Variants in HS3ST4 observed in about 807,000 individuals in gnomAD.
The protein encoded by HS3ST4 is heparan sulfate-glucosamine 3-sulfotransferase 4, also known as heparan sulfate glucosamine 3-O-sulfotransferase 4.
Under a neutral mutation model 29.2 loss-of-function variants are expected in HS3ST4, and 17 were observed. The ratio of observed to expected loss-of-function variants is 0.58; its 90% CI spans 0.40 to 0.87. The LOEUF is 0.87. Ranked by LOEUF, HS3ST4 falls within the 40% of genes least tolerant of loss-of-function variation. The pLI is 0.00. For synonymous variants in HS3ST4, 314 were observed against 285.7 expected (o/e 1.10, Z -1.00); for missense variants, 627 against 634.5 (o/e 0.99, Z 0.13).
chr16:25,801,057 G>T (rs1023496790), intron 1 of HS3ST4, among the ~76,000 whole-genome samples: 2 of 152,130 alleles, frequency 1.3e-5, no homozygotes, highest in Non-Finnish European at 2.9e-5. Context: ...CTATAATGAA[G>T]TTTATGATTC....
chr16:25,842,433 T>C (rs540652198), intron 1 of HS3ST4, among the ~76,000 whole-genome samples: 8 of 152,228 alleles, frequency 5.3e-5, no homozygotes, highest in Non-Finnish European at 1.0e-4. Context: ...TATGCCCCAC[T>C]GTACTGTGAT....
At chr16:25,897,860 G>A (rs548192844) in intron 1 of HS3ST4, among the ~76,000 whole-genome samples, 1 of 151,942 alleles carries the variant, frequency 6.6e-6, no homozygotes, top group Non-Finnish European at 1.5e-5. Flanking sequence ...CTTTCCCCCC[G>A]CCCCCTTTCT....
chr16:25,945,104 A>T (rs1344288347), intron 1 of HS3ST4, among the ~76,000 whole-genome samples: 1 of 152,198 alleles, frequency 6.6e-6, no homozygotes, highest in East Asian at 1.9e-4. Context: ...CCCAAAGATG[A>T]CTGCTGTTAA....
chr16:25,850,126 AG>A (rs1967503340), intron 1 of HS3ST4, among the ~76,000 whole-genome samples: 1 of 150,986 alleles, frequency 6.6e-6, no homozygotes, highest in South Asian at 2.1e-4. Context: ...CAGTCTCTCG[AG>A]TAGCTGGGAT....
At chr16:25,821,591 A>AT (rs1176533798) in intron 1 of HS3ST4, among the ~76,000 whole-genome samples, 1 of 152,056 alleles carries the variant, frequency 6.6e-6, no homozygotes, top group Non-Finnish European at 1.5e-5. Context: ...AAACCTATCA[A>AT]TTTTTTCCAT....
intron 1 of HS3ST4, among the ~76,000 whole-genome samples, chr16:25,766,782 T>C (rs1471951892): frequency 1.3e-5 from 2 of 152,216 alleles, no homozygotes; most frequent in Non-Finnish European, 2.9e-5. Flanking sequence ...GTAATGACAG[T>C]GTAATGAGCA....
intron 1 of HS3ST4, among the ~76,000 whole-genome samples, chr16:25,726,840 G>A (rs1236158488): frequency 3.9e-5 from 6 of 152,144 alleles, no homozygotes; most frequent in African/African-American, 1.4e-4. Flanking sequence ...GTGACGTTTA[G>A]CATTGCATTT....
intron 1 of HS3ST4, among the ~76,000 whole-genome samples, chr16:25,973,222 A>T (rs770237514): frequency 2.0e-5 from 3 of 152,248 alleles, no homozygotes; most frequent in Non-Finnish European, 2.9e-5. Flanking sequence ...AAAGCAGGAC[A>T]CTTGAAGGTT....
chr16:25,938,893 G>A (rs1358102181), intron 1 of HS3ST4, among the ~76,000 whole-genome samples: 2 of 152,204 alleles, frequency 1.3e-5, no homozygotes, highest in East Asian at 3.8e-4. Context: ...AAGCAAAGGA[G>A]GTAACTGTTG....
chr16:25,856,982 C>G (rs1967579549), intron 1 of HS3ST4, among the ~76,000 whole-genome samples: 1 of 152,106 alleles, frequency 6.6e-6, no homozygotes, highest in Non-Finnish European at 1.5e-5. Flanking sequence ...CATTTGCAGC[C>G]AGCATCCGAA....
chr16:25,902,299 T>C (rs1224579818), intron 1 of HS3ST4, among the ~76,000 whole-genome samples: 1 of 151,968 alleles, frequency 6.6e-6, no homozygotes, highest in Non-Finnish European at 1.5e-5. Context: ...GGAAGATCGC[T>C]TGAGCCCAGG....
At chr16:25,776,561 C>G (rs1249267198) in intron 1 of HS3ST4, among the ~76,000 whole-genome samples, 2 of 152,280 alleles carry the variant, frequency 1.3e-5, no homozygotes, top group Non-Finnish European at 2.9e-5. Context: ...TTGTTAGGAC[C>G]TCCTGAGGCT....
intron 1 of HS3ST4, among the ~76,000 whole-genome samples, chr16:26,016,685 T>C (rs910521744): frequency 2.0e-5 from 3 of 152,224 alleles, no homozygotes; most frequent in Non-Finnish European, 2.9e-5. Flanking sequence ...ATGGAAGATA[T>C]AGCAAGTCTC....
At chr16:25,789,318 C>T (rs1966863034) in intron 1 of HS3ST4, among the ~76,000 whole-genome samples, 1 of 150,322 alleles carries the variant, frequency 6.7e-6, no homozygotes, top group African/African-American at 2.5e-5. Flanking sequence ...TTTCTTTCTC[C>T]TCCTCCTCCA....
At chr16:25,864,974 TCACA>T (rs1175834774) in intron 1 of HS3ST4, among the ~76,000 whole-genome samples, 61 of 139,636 alleles carry the variant, frequency 4.4e-4, no homozygotes, top group African/African-American at 1.1e-3. Flanking sequence ...ACACACATAC[TCACA>T]CACACATACA....
At chr16:25,834,874 G>A (rs1967341788) in intron 1 of HS3ST4, among the ~76,000 whole-genome samples, 4 of 152,162 alleles carry the variant, frequency 2.6e-5, no homozygotes, top group Admixed American at 2.0e-4. Context: ...TTGAACCTGG[G>A]AGGCAGAGGT....
At chr16:26,115,968 G>C (rs1899196655) in intron 1 of HS3ST4, among the ~76,000 whole-genome samples, 1 of 152,202 alleles carries the variant, frequency 6.6e-6, no homozygotes. Flanking sequence ...ATTCTCTATA[G>C]CTGCGTAACA....
At chr16:26,058,021 C>T (rs1232479453) in intron 1 of HS3ST4, among the ~76,000 whole-genome samples, 2 of 152,154 alleles carry the variant, frequency 1.3e-5, no homozygotes, top group African/African-American at 2.4e-5. Context: ...GAGAAGTCCT[C>T]TCTGAGATTT....
At chr16:25,901,692 T>C (rs1326731438) in intron 1 of HS3ST4, among the ~76,000 whole-genome samples, 1 of 54,980 alleles carries the variant, frequency 1.8e-5, no homozygotes, top group Non-Finnish European at 4.0e-5. Flanking sequence ...AAAAATGCTC[T>C]CTCATCTTTC....
Sources: allele counts gnomAD v4.1 joint callset (sites outside exome capture counted in the v4.1 genomes callset), GRCh38; gene constraint gnomAD v4.1.1; transcripts MANE v1.5; gene names NCBI Gene and HGNC (gene_info 2026-07-23, HGNC 2026-07-21).